Variants in MINDY4 observed in about 807,000 individuals in gnomAD.
The protein encoded by MINDY4 is MINDY lysine 48 deubiquitinase 4.
Under a neutral mutation model 87.0 loss-of-function variants are expected in MINDY4, and 68 were observed. The observed-to-expected ratio is 0.78, with a 90% CI of 0.64 to 0.96. The LOEUF (loss-of-function observed/expected upper bound fraction) is 0.96, where lower values mean the gene tolerates loss of function less well. Among genes scored for constraint, MINDY4 ranks in the 40% least tolerant of loss-of-function variants. MINDY4 has a pLI of 0.00. For missense variants in MINDY4, 919 were observed against 928.2 expected, an observed-to-expected ratio of 0.99 and a Z score of 0.13; for synonymous variants, 379 against 363.2, an observed-to-expected ratio of 1.04 and a Z score of -0.50.
In MINDY4 at chr7:30,791,530, G is replaced by A; in HGVS notation, c.1029G>A (p.Leu343=). The part of the protein sequence containing the change: ...GGNSRMTQER[L]ERAFKRQGSQ... Reference sequence around the variant, plus strand: ...ATTCCAGGATGACCCAGGAGAGGCTGGAAAGAGCGTTCAAACGGCAGGGCA... The same window carrying A: ...ATTCCAGGATGACCCAGGAGAGGCTAGAAAGAGCGTTCAAACGGCAGGGCA... The change falls in exon 5 of 18, where the codon CTG becomes CTA. Residue 343 remains leucine, a synonymous_variant. Coordinates refer to ENST00000265299, the MANE Select transcript of MINDY4 (RefSeq NM_032222.3). The A allele has an allele frequency of 1.2e-6, 2 of 1,613,648 alleles. No homozygotes were observed. Among genetic ancestry groups the A allele is most frequent in the Non-Finnish European group, 1.7e-6 (2 of 1,179,718 alleles).
chr7:30,879,226 G>C (rs1399721850), intron 15 of MINDY4, among the ~76,000 whole-genome samples: 1 of 152,126 alleles, frequency 6.6e-6, no homozygotes, highest in East Asian at 1.9e-4. Flanking sequence ...AGGTCACTAG[G>C]GTGGGTCCCA....
chr7:30,832,605 G>A (rs1554281650), intron 6 of MINDY4, among the ~76,000 whole-genome samples: 1 of 152,094 alleles, frequency 6.6e-6, no homozygotes, highest in Non-Finnish European at 1.5e-5. Flanking sequence ...TGTTTCCTGG[G>A]TTCAAGTGAT....
intron 1 of MINDY4, among the ~76,000 whole-genome samples, chr7:30,775,215 C>G (rs901642683): frequency 2.0e-5 from 3 of 152,164 alleles, no homozygotes; most frequent in Admixed American, 2.0e-4. Context: ...TGACTGCCCC[C>G]ACTTCAGATG....
intron 13 of MINDY4, among the ~76,000 whole-genome samples, chr7:30,867,190 A>C (rs1365851887): frequency 6.6e-6 from 1 of 151,712 alleles, no homozygotes; most frequent in Non-Finnish European, 1.5e-5. Context: ...CTCATCGTCT[A>C]CTCCCTCTTG....
At position 30,883,690 on chromosome 7, in the gene MINDY4, G is replaced by A. The variant is rs187644780; in HGVS notation, c.2225+697G>A. On this transcript the variant is annotated intron_variant, in intron 17 of 17. Transcript: ENST00000265299. ...CTGTCAGAAGTGCTCCCCTTGCCCC[G>A]GCAGGCCCTTCACAAAGCCCTTGGG... 1.1e-4 allele frequency among the ~76,000 whole-genome samples: 17 copies of A among 152,280 alleles called. No homozygotes were observed. The East Asian group carries it at 2.3e-3, about 21-fold the overall frequency.
At chr7:30,865,541 C>CA (rs1249894936) in intron 13 of MINDY4, among the ~76,000 whole-genome samples, 1 of 152,244 alleles carries the variant, frequency 6.6e-6, no homozygotes, top group African/African-American at 2.4e-5. Flanking sequence ...CCTTTGTCCC[C>CA]AGGCCCCTTT....
chr7:30,876,608 TG>T (rs2128579894), intron 15 of MINDY4, among the ~76,000 whole-genome samples: 1 of 152,304 alleles, frequency 6.6e-6, no homozygotes, highest in South Asian at 2.1e-4. Context: ...CTGAGGGGGC[TG>T]GGCAGAGGAG....
At chr7:30,795,080 C>G (rs1030582456) in intron 5 of MINDY4, among the ~76,000 whole-genome samples, 65 of 152,164 alleles carry the variant, frequency 4.3e-4, no homozygotes, top group Admixed American at 2.0e-3. Flanking sequence ...AGGCACCTCA[C>G]TTGTGTTGCT....
chr7:30,824,136 A>G (rs1788424929), intron 5 of MINDY4, among the ~76,000 whole-genome samples: 1 of 152,196 alleles, frequency 6.6e-6, no homozygotes, highest in Admixed American at 6.5e-5. Context: ...TGTGTCCTAC[A>G]GTTCTGGAGG....
chr7:30,811,352 A>G (rs1452886325), intron 5 of MINDY4, among the ~76,000 whole-genome samples: 1 of 152,230 alleles, frequency 6.6e-6, no homozygotes, highest in East Asian at 1.9e-4. Context: ...TTTGCTACCT[A>G]TACTTCTTCA....
At chr7:30,887,773 T>C (rs968169821) in intron 17 of MINDY4, among the ~76,000 whole-genome samples, 1 of 152,216 alleles carries the variant, frequency 6.6e-6, no homozygotes, top group Non-Finnish European at 1.5e-5. Flanking sequence ...GCCTGGGTGC[T>C]GACGGGGACC....
chr7:30,808,455 T>C (rs955520446), intron 5 of MINDY4, among the ~76,000 whole-genome samples: 3 of 152,186 alleles, frequency 2.0e-5, no homozygotes, highest in Non-Finnish European at 1.5e-5. Context: ...TAAAAGTGTG[T>C]GTGTGTGGGT....
At chr7:30,828,874 A>T in intron 6 of MINDY4, 137 bp downstream of exon 6, 1 of 732,526 alleles carries the variant, frequency 1.4e-6, no homozygotes, top group Non-Finnish European at 2.4e-6. Context: ...AAGTGAGTAG[A>T]GTAGACTACT....
intron 9 of MINDY4, among the ~76,000 whole-genome samples, chr7:30,846,983 C>G (rs143254469): frequency 7.3e-4 from 111 of 152,204 alleles, no homozygotes; most frequent in African/African-American, 2.6e-3. Flanking sequence ...TCCTAACAGG[C>G]CACAGACCAG....
intron 5 of MINDY4, among the ~76,000 whole-genome samples, chr7:30,826,512 G>C (rs1027435674): frequency 3.9e-5 from 6 of 152,254 alleles, no homozygotes; most frequent in Admixed American, 2.0e-4. Context: ...AGAGACATGA[G>C]CTGAGACGTT....
At chr7:30,771,687 C>T (rs1786640492) in intron 1 of MINDY4, 131 bp downstream of exon 1, 15 of 842,972 alleles carry the variant, frequency 1.8e-5, no homozygotes, top group South Asian at 1.6e-4. Context: ...CAGAGATGCC[C>T]CAGAAGAGCG....
intron 5 of MINDY4, among the ~76,000 whole-genome samples, chr7:30,817,662 C>T (rs758264483): frequency 9.9e-5 from 15 of 152,028 alleles, no homozygotes; most frequent in African/African-American, 1.4e-4. Flanking sequence ...CCCGGGTTCC[C>T]GAAGTTTTGT....
At position 30,850,449 on chromosome 7, in the gene MINDY4, C is replaced by T. The variant is rs747649695; in HGVS notation, c.1446-5C>T. On this transcript the variant is annotated splice_polypyrimidine_tract_variant and splice_region_variant and intron_variant, in intron 9 of 17. Coordinates refer to ENST00000265299, the MANE Select transcript of MINDY4 (RefSeq NM_032222.3). ...GCATAAATGCCTTCCTTTTCTTGTC[C>T]GCAGGGGACTGCAGCCTTCAGATGC... 28 of 1,609,620 alleles carry T rather than the reference C, an allele frequency of 1.7e-5. No individual in the cohort carries two copies. Among genetic ancestry groups the T allele is most frequent in the East Asian group, 1.3e-4 (6 of 44,744 alleles).
chr7:30,864,724 C>A (rs905721644), intron 13 of MINDY4, among the ~76,000 whole-genome samples: 1 of 152,226 alleles, frequency 6.6e-6, no homozygotes, highest in African/African-American at 2.4e-5. Flanking sequence ...CAGAGAAGGC[C>A]ACCACATCTG....
Sources: allele counts gnomAD v4.1 joint callset (sites outside exome capture counted in the v4.1 genomes callset), GRCh38; gene constraint gnomAD v4.1.1; transcripts MANE v1.5; gene names NCBI Gene and HGNC (gene_info 2026-07-23, HGNC 2026-07-21).